Variants in TRDMT1 observed in about 807,000 individuals in gnomAD.
TRDMT1 encodes the protein tRNA aspartic acid methyltransferase 1.
A neutral mutation model predicts 51.2 loss-of-function variants in TRDMT1; 49 were observed. The observed-to-expected ratio is 0.96, with a 90% CI of 0.76 to 1.21. The LOEUF (loss-of-function observed/expected upper bound fraction) is 1.21, where lower values mean the gene tolerates loss of function less well. TRDMT1 is among the 50% of genes most tolerant of loss of function. TRDMT1 has a pLI of 0.00. For synonymous variants in TRDMT1, 187 were observed against 164.6 expected, an observed-to-expected ratio of 1.14 and a Z score of -1.04; for missense variants, 534 against 462.3, an observed-to-expected ratio of 1.16 and a Z score of -1.42.
chr10:17,188,496 A>G (rs1283969933), intron 1 of TRDMT1, among the ~76,000 whole-genome samples: 1 of 152,226 alleles, frequency 6.6e-6, no homozygotes, highest in Non-Finnish European at 1.5e-5. Flanking sequence ...CAGAGATGAT[A>G]AAACAACGAA....
chr10:17,166,006 C>G (rs1374717932), intron 3 of TRDMT1, among the ~76,000 whole-genome samples: 1 of 152,118 alleles, frequency 6.6e-6, no homozygotes, highest in Non-Finnish European at 1.5e-5. Flanking sequence ...TTTGACCCTG[C>G]CATCCCATTA....
At chr10:17,189,648 G>A (rs1452684771) in intron 1 of TRDMT1, among the ~76,000 whole-genome samples, 1 of 152,012 alleles carries the variant, frequency 6.6e-6, no homozygotes, top group Admixed American at 6.6e-5. Context: ...AAATTATTCT[G>A]GTACTTTATT....
chr10:17,166,329 A>G (rs1841202106), intron 3 of TRDMT1, among the ~76,000 whole-genome samples: 1 of 132,336 alleles, frequency 7.6e-6, no homozygotes, highest in African/African-American at 2.8e-5. Context: ...ATCAGAACAC[A>G]TGGACACAGG....
intron 1 of TRDMT1, among the ~76,000 whole-genome samples, chr10:17,195,521 G>A (rs1845289925): frequency 6.6e-6 from 1 of 151,930 alleles, no homozygotes; most frequent in African/African-American, 2.4e-5. Context: ...CTGGGTGGTG[G>A]GATCATTGAT....
In TRDMT1 at chr10:17,195,133, A is replaced by C. The variant is rs141920882; in HGVS notation, c.64+6438T>G. 3.9e-3 allele frequency among the ~76,000 whole-genome samples: 599 copies of C among 152,324 alleles called. 6 individuals are homozygous for C. Among genetic ancestry groups the C allele is most frequent in the Non-Finnish European group, 6.5e-3 (439 of 68,030 alleles). On this transcript the variant is annotated intron_variant, in intron 1 of 10. Transcript: ENST00000377799. ...ATTACTGAGTATACATGCAAAAGAAAGCAAAATCATTCTACCAAAAAGACA... is the reference window on the plus strand; with the variant it reads ...ATTACTGAGTATACATGCAAAAGAACGCAAAATCATTCTACCAAAAAGACA...
rs1371939046 is a variant in TRDMT1, at chr10:17,141,162, ATTTAT to A, written c.*7873_*7877del. ...GTGTCATTTTTCTCCAGCTGCTTTT[ATTTAT>A]TTATTTATTTTTTTGAGACGGAGTC... On this transcript the variant is annotated 3_prime_UTR_variant, in exon 11 of 11. Coordinates refer to ENST00000377799, the MANE Select transcript of TRDMT1 (RefSeq NM_004412.7). Among the ~76,000 whole-genome samples, 2 of 151,640 alleles carry A rather than the reference ATTTAT, an allele frequency of 1.3e-5. No individual in the cohort carries two copies. Among genetic ancestry groups the A allele is most frequent in the African/African-American group, 4.8e-5 (2 of 41,254 alleles).
chr10:17,174,311 C>G (rs1483368534), intron 2 of TRDMT1, among the ~76,000 whole-genome samples: 1 of 152,142 alleles, frequency 6.6e-6, no homozygotes, highest in African/African-American at 2.4e-5. Flanking sequence ...CAAGCATATC[C>G]TTACATTTCA....
Position 17,142,113 on chromosome 10 carries a change from A to C in TRDMT1, c.*6927T>G, listed in dbSNP as rs1468530159. On this transcript the variant is annotated 3_prime_UTR_variant, in exon 11 of 11. Coordinates refer to ENST00000377799, the MANE Select transcript of TRDMT1 (RefSeq NM_004412.7). ...AAGCATTTTTATGAGAGTTGCTTAA[A>C]ATCCTTGTCAAGTAATTCCAACATC... 2.0e-5 allele frequency: 3 copies of C among 152,178 alleles called. No homozygotes were observed. The highest frequency in any genetic ancestry group is 4.4e-5 in the Non-Finnish European group (3 of 68,036). The allele number at this position is 152,178 out of a possible 1,614,324, so 9.4% of individuals were successfully genotyped here. A position where few individuals can be genotyped will look rare whatever the true frequency, so the allele number is the denominator to read the frequency against.
At chr10:17,179,120 T>C (rs1351438467) in intron 1 of TRDMT1, among the ~76,000 whole-genome samples, 1 of 152,076 alleles carries the variant, frequency 6.6e-6, no homozygotes, top group Non-Finnish European at 1.5e-5. Context: ...ATAATGCAAT[T>C]TGGAGTTTTG....
Position 17,147,950 on chromosome 10 carries a change from A to G in TRDMT1, c.*1090T>C. The G allele has an allele frequency of 9.2e-6, 9 of 976,994 alleles. 1 individual carries two copies. The South Asian group carries it at 3.3e-4, about 36-fold the overall frequency. The allele number at this position is 976,994 out of a possible 1,614,324, so 60.5% of individuals were successfully genotyped here. Reference sequence around the variant, plus strand: ...CCCACAAGCAATGCACAAACTTCCAATTTATCCACCTCTAAATAGCTGATT... The same window carrying G: ...CCCACAAGCAATGCACAAACTTCCAGTTTATCCACCTCTAAATAGCTGATT... On this transcript the variant is annotated 3_prime_UTR_variant, in exon 11 of 11. Coordinates refer to ENST00000377799, the MANE Select transcript of TRDMT1 (RefSeq NM_004412.7).
chr10:17,167,046 C>G (rs1047272044), intron 3 of TRDMT1, among the ~76,000 whole-genome samples: 2 of 152,154 alleles, frequency 1.3e-5, no homozygotes, highest in Admixed American at 1.3e-4. Context: ...TCCTGTGACA[C>G]TTTCAGCATT....
chr10:17,164,354 T>C (rs1227071851), intron 3 of TRDMT1, among the ~76,000 whole-genome samples: 9 of 152,172 alleles, frequency 5.9e-5, no homozygotes, highest in Non-Finnish European at 1.3e-4. Context: ...AATTAGGTAT[T>C]GATGGGACAT....
rs759796191 is a variant in TRDMT1 at position 17,140,342 on chromosome 10, C to T, written c.*8698G>A. ...GTGCTGGGATTACAGGTGTGAGGCA[C>T]CATGCCCAGCACTTCTTTTCTTTTT... On this transcript the variant is annotated 3_prime_UTR_variant, in exon 11 of 11. Coordinates refer to ENST00000377799, the MANE Select transcript of TRDMT1 (RefSeq NM_004412.7). Among the ~76,000 whole-genome samples, 4 of 151,780 alleles carry T rather than the reference C, an allele frequency of 2.6e-5. No individual in the cohort carries two copies. Among genetic ancestry groups the T allele is most frequent in the Non-Finnish European group, 5.9e-5 (4 of 67,988 alleles).
intron 1 of TRDMT1, among the ~76,000 whole-genome samples, chr10:17,194,040 G>C (rs1845049175): frequency 6.6e-6 from 1 of 151,910 alleles, no homozygotes; most frequent in Admixed American, 6.6e-5. Flanking sequence ...CAACAAAGTA[G>C]ACAAAAAAAA....
chr10:17,144,974 G>A lies in TRDMT1; in HGVS notation c.*4066C>T, dbSNP rs149563031. 261 of 985,370 alleles carry A rather than the reference G, an allele frequency of 2.6e-4. No homozygotes were observed. The African/African-American group carries it at 3.7e-3, about 14-fold the overall frequency. The allele number at this position is 985,370 out of a possible 1,614,324, so 61.0% of individuals were successfully genotyped here. A position where few individuals can be genotyped will look rare whatever the true frequency, so the allele number is the denominator to read the frequency against. On this transcript the variant is annotated 3_prime_UTR_variant, in exon 11 of 11. Coordinates refer to ENST00000377799, the MANE Select transcript of TRDMT1 (RefSeq NM_004412.7). ...AAAAACATGCAAAGGGAGGCTGGGC[G>A]TGGTGGCTCATGCCTGTAAAACCCA...
At chr10:17,150,363 T>C (rs6602180) in intron 10 of TRDMT1, 446,108 of 982,514 alleles carry the variant, frequency 0.45, 101,932 homozygotes, top group Non-Finnish European at 0.47. Context: ...GTCCTTTACC[T>C]ATTCTGGATA....
intron 1 of TRDMT1, chr10:17,200,466 A>T (rs1405808715): frequency 6.0e-6 from 1 of 167,806 alleles, no homozygotes; most frequent in Admixed American, 6.5e-5. Context: ...AAACTCAATA[A>T]ATCTGCTCAA....
At chr10:17,196,326 A>G (rs1845425586) in intron 1 of TRDMT1, among the ~76,000 whole-genome samples, 1 of 152,256 alleles carries the variant, frequency 6.6e-6, no homozygotes, top group African/African-American at 2.4e-5. Flanking sequence ...GCTGACTCCA[A>G]TATTTGACTA....
intron 2 of TRDMT1, among the ~76,000 whole-genome samples, chr10:17,172,225 A>G (rs1183011998): frequency 6.6e-6 from 1 of 152,226 alleles, no homozygotes; most frequent in Non-Finnish European, 1.5e-5. Context: ...ACAAAGAAAG[A>G]CACAATATAT....
Sources: allele counts gnomAD v4.1 joint callset (sites outside exome capture counted in the v4.1 genomes callset), GRCh38; gene constraint gnomAD v4.1.1; transcripts MANE v1.5; gene names NCBI Gene and HGNC (gene_info 2026-07-23, HGNC 2026-07-21).